The following ITSN1 variants were observed in gnomAD, a reference collection of about 807,000 sequenced individuals.
The protein encoded by ITSN1 is intersectin 1.
ITSN1 carries 58 observed loss-of-function variants against 239.8 expected under a neutral mutation model. That is an observed-to-expected ratio of 0.24 (90% CI 0.20 to 0.30). The LOEUF (loss-of-function observed/expected upper bound fraction) is 0.30. ITSN1 is among the 10% of genes least tolerant of loss of function. ITSN1 has a pLI of 1.00. For missense variants in ITSN1, 1,558 were observed against 2,103.3 expected (o/e 0.74, Z 5.07); for synonymous variants, 780 against 770.8 (o/e 1.01, Z -0.20).
Position 33,718,812 on chromosome 21 carries a change from G to A in ITSN1, c.-17G>A. 1 of 1,611,914 alleles carries A rather than the reference G, an allele frequency of 6.2e-7. No individual in the cohort carries two copies. The highest frequency in any genetic ancestry group is 8.5e-7 in the Non-Finnish European group (1 of 1,178,792). ...TCACTTACAGGCGTCGATTAGCAAGGTAAAAGTAACAGAACCATGGCTCAG... is the reference window on the plus strand; with the variant it reads ...TCACTTACAGGCGTCGATTAGCAAGATAAAAGTAACAGAACCATGGCTCAG... On this transcript the variant is annotated 5_prime_UTR_variant, in exon 2 of 40. Coordinates refer to ENST00000381318, the MANE Select transcript of ITSN1 (RefSeq NM_003024.3).
Position 33,888,291 on chromosome 21 carries a change from T to A in ITSN1, c.5157T>A (p.Asp1719Glu). 6.2e-7 allele frequency: 1 copy of A among 1,613,412 alleles called. No homozygotes were observed. The highest frequency in any genetic ancestry group is 8.5e-7 in the Non-Finnish European group (1 of 1,179,758). The change falls in exon 40 of 40, where the codon GAT (aspartate) becomes GAA (glutamate). Residue 1719 changes from aspartate to glutamate, a missense_variant. By Grantham distance (45) the Asp-to-Glu change is conservative (BLOSUM62 2). Around this residue, in one of 2 missense-constraint regions of ITSN1, gnomAD observed 576 missense variants for 893.3 expected, o/e 0.64. Coordinates refer to ENST00000381318, the MANE Select transcript of ITSN1 (RefSeq NM_003024.3). ...TCCGCTTGGACCTGCAGTTGTTTGATGAGCCGTAGGCAGCGGGCTCAGGGT... is the reference window on the plus strand; with the variant it reads ...TCCGCTTGGACCTGCAGTTGTTTGAAGAGCCGTAGGCAGCGGGCTCAGGGT... The part of the protein sequence containing the change: ...IVVRLDLQLF[D>E]EP
chr21:33,782,863 A>C (rs1442367731), intron 16 of ITSN1, among the ~76,000 whole-genome samples: 1 of 152,112 alleles, frequency 6.6e-6, no homozygotes. Context: ...GTCTCTACTA[A>C]AAATACAAAA....
At chr21:33,686,066 T>G (rs1207475364) in intron 1 of ITSN1, among the ~76,000 whole-genome samples, 1 of 152,220 alleles carries the variant, frequency 6.6e-6, no homozygotes, top group African/African-American at 2.4e-5. Flanking sequence ...AGAAGGTAAT[T>G]GATGACTTGG....
At chr21:33,851,865 C>A (rs2148464166) in intron 29 of ITSN1, among the ~76,000 whole-genome samples, 1 of 138,362 alleles carries the variant, frequency 7.2e-6, no homozygotes, top group South Asian at 2.3e-4. Flanking sequence ...CTCACTGCAG[C>A]CTCTATTTCC....
intron 1 of ITSN1, among the ~76,000 whole-genome samples, chr21:33,656,365 T>G (rs914714272): frequency 1.3e-5 from 2 of 152,212 alleles, no homozygotes; most frequent in African/African-American, 2.4e-5. Flanking sequence ...TAATTAATAA[T>G]TGAAGTTACT....
Position 33,891,364 on chromosome 21 carries a change from C to T in ITSN1, c.*3064C>T, listed in dbSNP as rs1221967373. On this transcript the variant is annotated 3_prime_UTR_variant, in exon 40 of 40. Transcript: ENST00000381318. ...TTCATGTAAGAGGAGGCATTTTTTT[C>T]TTCTTTGCTTTTTTTAAACAACCTA... 2.0e-5 allele frequency: 3 copies of T among 152,120 alleles called. No homozygotes were observed. The highest frequency in any genetic ancestry group is 4.4e-5 in the Non-Finnish European group (3 of 68,006). The allele number at this position is 152,120 out of a possible 1,614,324, so 9.4% of individuals were successfully genotyped here.
intron 5 of ITSN1, among the ~76,000 whole-genome samples, chr21:33,747,261 A>G (rs1443623308): frequency 6.6e-6 from 1 of 152,234 alleles, no homozygotes; most frequent in East Asian, 1.9e-4. Context: ...GAAGTTGAAG[A>G]TTAATCAATA....
intron 16 of ITSN1, among the ~76,000 whole-genome samples, chr21:33,788,573 A>T (rs1281300953): frequency 6.6e-6 from 1 of 152,138 alleles, no homozygotes; most frequent in Non-Finnish European, 1.5e-5. Flanking sequence ...TCTACTAAAA[A>T]TACAAAAATT....
intron 29 of ITSN1, among the ~76,000 whole-genome samples, chr21:33,842,859 G>A (rs1270823254): frequency 6.6e-6 from 1 of 152,132 alleles, no homozygotes; most frequent in Admixed American, 6.6e-5. Context: ...TTTTCATCAA[G>A]GACGCTGTTT....
chr21:33,879,705 A>G (rs546707061), intron 34 of ITSN1, among the ~76,000 whole-genome samples: 1 of 152,122 alleles, frequency 6.6e-6, no homozygotes, highest in African/African-American at 2.4e-5. Context: ...TTTGAGACAG[A>G]GTCTCACTCT....
In ITSN1 at chr21:33,890,652, C is replaced by T. The variant is rs1285707555; in HGVS notation, c.*2352C>T. 1 of 152,152 alleles carries T rather than the reference C, an allele frequency of 6.6e-6. No homozygotes were observed. The highest frequency in any genetic ancestry group is 2.4e-5 in the African/African-American group (1 of 41,438). 9.4% of individuals were successfully genotyped at this position (152,152 alleles called of 1,614,324 possible). A position where few individuals can be genotyped will look rare whatever the true frequency, so the allele number is the denominator to read the frequency against. On this transcript the variant is annotated 3_prime_UTR_variant, in exon 40 of 40. Coordinates refer to ENST00000381318, the MANE Select transcript of ITSN1 (RefSeq NM_003024.3). ...CCCAGCTGTGATTCATGAGTTGTGT[C>T]ACAGGGATTGAGAAACATGGGTGAT...
chr21:33,776,206 A>C (rs2069592725), intron 14 of ITSN1, among the ~76,000 whole-genome samples: 1 of 152,106 alleles, frequency 6.6e-6, no homozygotes, highest in African/African-American at 2.4e-5. Context: ...TCTCTTGGGT[A>C]AACTTTTAGG....
chr21:33,670,521 G>A (rs79204821), intron 1 of ITSN1, among the ~76,000 whole-genome samples: 1,941 of 151,432 alleles, frequency 0.013, 45 homozygotes, highest in African/African-American at 0.045. Flanking sequence ...AAATGTAGTC[G>A]GAAGAGTGGC....
chr21:33,876,795 C>T (rs1271574757), intron 34 of ITSN1, among the ~76,000 whole-genome samples: 2 of 152,050 alleles, frequency 1.3e-5, no homozygotes, highest in African/African-American at 4.8e-5. Context: ...TTGCTTGAGC[C>T]CAGGAGTTCA....
At chr21:33,649,911 G>A (rs543865020) in intron 1 of ITSN1, among the ~76,000 whole-genome samples, 1 of 151,930 alleles carries the variant, frequency 6.6e-6, no homozygotes, top group Non-Finnish European at 1.5e-5. Context: ...AGCTACTTGG[G>A]AGGCTGAAGC....
At chr21:33,723,822 A>G (rs2065652968) in intron 4 of ITSN1, among the ~76,000 whole-genome samples, 1 of 152,214 alleles carries the variant, frequency 6.6e-6, no homozygotes, top group South Asian at 2.1e-4. Flanking sequence ...GTCACATAAT[A>G]GGCCCTCAAA....
rs535947714 is a variant in ITSN1 at position 33,694,919 on chromosome 21, A to T, written c.-32-23878A>T. Among the ~76,000 whole-genome samples, 5 of 152,262 alleles carry T rather than the reference A, an allele frequency of 3.3e-5. No homozygotes were observed. The East Asian group carries it at 7.7e-4, about 24-fold the overall frequency. On this transcript the variant is annotated intron_variant, in intron 1 of 39. Transcript: ENST00000381318. ...AGCCTCCAACTCCTAGGCTCCATCAATCCTGCCTGAGCAGTTCCTAGGACT... is the reference window on the plus strand; with the variant it reads ...AGCCTCCAACTCCTAGGCTCCATCATTCCTGCCTGAGCAGTTCCTAGGACT...
At chr21:33,730,959 G>A (rs1461177372) in intron 4 of ITSN1, among the ~76,000 whole-genome samples, 2 of 152,230 alleles carry the variant, frequency 1.3e-5, no homozygotes, top group East Asian at 1.9e-4. Context: ...GCCTCCCAAA[G>A]TGCTGGGATT....
In ITSN1 at chr21:33,750,171, G is replaced by T. The variant is rs770247191; in HGVS notation, c.375G>T (p.Pro125=). The part of the protein sequence containing the change: ...FGMGGIASMP[P]LTAVAPVPMG... ...TGGGAGGTATCGCCAGCATGCCACC[G>T]CTTACAGCTGTTGCTCCAGTGCCAA... The change falls in exon 6 of 40, where the codon CCG becomes CCT. Residue 125 remains proline, a synonymous_variant. Transcript: ENST00000381318. 3 of 1,614,056 alleles carry T rather than the reference G, an allele frequency of 1.9e-6. No individual in the cohort carries two copies. The highest frequency in any genetic ancestry group is 2.7e-5 in the African/African-American group (2 of 75,028).
Sources: allele counts gnomAD v4.1 joint callset (sites outside exome capture counted in the v4.1 genomes callset), GRCh38; gene constraint gnomAD v4.1.1; regional missense constraint gnomAD v4.1.1; transcripts MANE v1.5; gene names NCBI Gene and HGNC (gene_info 2026-07-23, HGNC 2026-07-21).